DLGAP2: variants seen among roughly 807,000 people sequenced by gnomAD.
DLGAP2 encodes DLG associated protein 2, also known as disks large-associated protein 2.
DLGAP2 carries 26 observed loss-of-function variants against 100.3 expected under a neutral mutation model. The observed-to-expected ratio is 0.26, with a 90% CI of 0.19 to 0.36. The LOEUF is 0.36. Ranked by LOEUF, DLGAP2 falls within the 10% of genes least tolerant of loss-of-function variation. The pLI is 1.00. For synonymous variants in DLGAP2, 886 were observed against 630.1 expected (o/e 1.41, Z -6.08); for missense variants, 1,858 against 1,453.2 (o/e 1.28, Z -4.53).
chr8:1,164,237 A>T (rs1458257314), intron 2 of DLGAP2, among the ~76,000 whole-genome samples: 1 of 137,604 alleles, frequency 7.3e-6, no homozygotes, highest in African/African-American at 2.9e-5. Flanking sequence ...GTGGGGACAG[A>T]TTTTTCTGTG....
chr8:1,226,535 G>C (rs11990743), intron 2 of DLGAP2, among the ~76,000 whole-genome samples: 7,945 of 152,186 alleles, frequency 0.052, 686 homozygotes, highest in African/African-American at 0.18. Context: ...TTAATACCAA[G>C]GTTGATGGGT....
At chr8:994,831 T>C (rs1345564979) in intron 2 of DLGAP2, among the ~76,000 whole-genome samples, 1 of 151,924 alleles carries the variant, frequency 6.6e-6, no homozygotes, top group African/African-American at 2.4e-5. Flanking sequence ...AGACGAAGAG[T>C]CATTCAGCTC....
chr8:1,617,800 G>A (rs992998215), intron 6 of DLGAP2, among the ~76,000 whole-genome samples: 6 of 152,158 alleles, frequency 3.9e-5, no homozygotes, highest in East Asian at 1.9e-4. Context: ...CAGCCAATAC[G>A]AGCTAAAGCT....
At chr8:1,548,020 CT>C (rs1563213648) in intron 4 of DLGAP2, among the ~76,000 whole-genome samples, 1 of 152,164 alleles carries the variant, frequency 6.6e-6, no homozygotes, top group African/African-American at 2.4e-5. Context: ...TACAACTATG[CT>C]TTTCCCCCAA....
At chr8:925,442 T>C (rs1470020634) in intron 2 of DLGAP2, among the ~76,000 whole-genome samples, 4 of 151,986 alleles carry the variant, frequency 2.6e-5, no homozygotes, top group African/African-American at 9.7e-5. Flanking sequence ...CACGGAAGGA[T>C]GGTGTTCTGT....
At chr8:1,644,409 G>C (rs1797990900) in intron 8 of DLGAP2, among the ~76,000 whole-genome samples, 1 of 152,222 alleles carries the variant, frequency 6.6e-6, no homozygotes, top group Non-Finnish European at 1.5e-5. Context: ...CTCCCAGCCA[G>C]TCTTCCTGAA....
intron 2 of DLGAP2, among the ~76,000 whole-genome samples, chr8:1,082,934 G>GA (rs1301759494): frequency 6.6e-6 from 1 of 152,140 alleles, no homozygotes. Context: ...CTTCTTTTTA[G>GA]AAGGGATCTG....
chr8:826,908 G>A (rs1796694407), intron 1 of DLGAP2, among the ~76,000 whole-genome samples: 1 of 152,168 alleles, frequency 6.6e-6, no homozygotes. Flanking sequence ...GAATGTTTTT[G>A]TAGAAACATC....
At chr8:1,461,260 G>C (rs551455665) in intron 3 of DLGAP2, among the ~76,000 whole-genome samples, 1,812 of 76,732 alleles carry the variant, frequency 0.024, 263 homozygotes, top group African/African-American at 0.098. Context: ...AGAAGGTGCT[G>C]CTGTCACAGG....
intron 1 of DLGAP2, among the ~76,000 whole-genome samples, chr8:904,467 C>G (rs955645353): frequency 6.6e-6 from 1 of 152,200 alleles, no homozygotes; most frequent in African/African-American, 2.4e-5. Context: ...TTGCAGTGAG[C>G]TGGGATCGCA....
intron 6 of DLGAP2, among the ~76,000 whole-genome samples, chr8:1,571,933 G>C (rs1294678020): frequency 8.3e-6 from 1 of 119,922 alleles, no homozygotes; most frequent in Non-Finnish European, 1.7e-5. Context: ...GGGGGCGTCT[G>C]CTGGGATGGA....
At chr8:1,192,403 T>G (rs1447531307) in intron 2 of DLGAP2, among the ~76,000 whole-genome samples, 1 of 152,210 alleles carries the variant, frequency 6.6e-6, no homozygotes, top group Non-Finnish European at 1.5e-5. Context: ...CACCTCACTT[T>G]TTTGCGGTGA....
In DLGAP2 at chr8:942,801, A is replaced by G. The variant is rs78539651; in HGVS notation, c.73+34835A>G. Among the ~76,000 whole-genome samples, 265 of 152,328 alleles carry G rather than the reference A, an allele frequency of 1.7e-3. 3 individuals are homozygous for G. Among genetic ancestry groups the G allele is most frequent in the African/African-American group, 6.3e-3 (261 of 41,576 alleles). Reference sequence around the variant, plus strand: ...GCATGAGGTTTTACTCACAGGTAGAATTCATTACAGTGAAAAGACATAGAG... The same window carrying G: ...GCATGAGGTTTTACTCACAGGTAGAGTTCATTACAGTGAAAAGACATAGAG... On this transcript the variant is annotated intron_variant, in intron 2 of 14. Transcript: ENST00000637795.
At chr8:1,661,322 G>C (rs533085139) in intron 8 of DLGAP2, among the ~76,000 whole-genome samples, 1 of 152,150 alleles carries the variant, frequency 6.6e-6, no homozygotes, top group Non-Finnish European at 1.5e-5. Context: ...CCTCTACTAT[G>C]TTGACATGGC....
At chr8:1,376,559 G>C (rs941575464) in intron 3 of DLGAP2, among the ~76,000 whole-genome samples, 21 of 152,162 alleles carry the variant, frequency 1.4e-4, no homozygotes, top group African/African-American at 5.1e-4. Context: ...CCTTTCAGAA[G>C]CTGCTCTCCT....
At chr8:1,051,110 G>A (rs1176343841) in intron 2 of DLGAP2, among the ~76,000 whole-genome samples, 1 of 151,820 alleles carries the variant, frequency 6.6e-6, no homozygotes, top group Non-Finnish European at 1.5e-5. Flanking sequence ...TCATTTTGTG[G>A]TGGGGTCATT....
At chr8:1,437,225 G>A (rs1248587260) in intron 3 of DLGAP2, among the ~76,000 whole-genome samples, 2 of 151,880 alleles carry the variant, frequency 1.3e-5, no homozygotes, top group African/African-American at 2.4e-5. Context: ...GACGCCATCC[G>A]GGTCTGCGTT....
intron 2 of DLGAP2, among the ~76,000 whole-genome samples, chr8:1,083,471 T>C (rs1297080119): frequency 1.3e-5 from 2 of 152,240 alleles, no homozygotes; most frequent in East Asian, 1.9e-4. Flanking sequence ...TTCGAGTTTG[T>C]GTTGACCTTT....
intron 4 of DLGAP2, among the ~76,000 whole-genome samples, chr8:1,536,854 G>T (rs888291008): frequency 2.0e-5 from 3 of 152,052 alleles, no homozygotes; most frequent in Non-Finnish European, 4.4e-5. Context: ...TGTAGGAGGC[G>T]CTGGCCAGGC....
Sources: gnomAD v4.1 joint callset for allele counts (sites outside exome capture counted in the v4.1 genomes callset) on GRCh38, gnomAD v4.1.1 for gene constraint, MANE v1.5 for transcripts, NCBI Gene and HGNC (gene_info 2026-07-23, HGNC 2026-07-21) for gene names.